Variants in OFD1 observed in about 807,000 individuals in gnomAD.
OFD1 encodes the protein centriole and centriolar satellite protein OFD1.
A neutral mutation model predicts 81.4 loss-of-function variants in OFD1; 12 were observed. That is an observed-to-expected ratio of 0.15 (90% CI 0.09 to 0.24). OFD1 has a LOEUF of 0.24. OFD1 is among the 10% of genes least tolerant of loss of function. The pLI is 1.00. For synonymous variants in OFD1, 256 were observed against 263.7 expected, an observed-to-expected ratio of 0.97 and a Z score of 0.28; for missense variants, 685 against 733.9, an observed-to-expected ratio of 0.93 and a Z score of 0.77.
downstream of OFD1, chrX:13,771,377 T>G (rs766569963): frequency 4.2e-5 from 4 of 95,334 alleles, no homozygotes; most frequent in Admixed American, 1.3e-4. Context: ...GAAGAGAGCT[T>G]CTCTTAATTT....
Position 13,753,318 on chromosome X carries a change from T to C in OFD1, c.1056-50T>C, listed in dbSNP as rs1188400072. On this transcript the variant is annotated intron_variant, in intron 10 of 22. Transcript: ENST00000340096. The stretch of plus-strand genomic sequence containing the variant: ...ATAAGCTCCTGCACTGATAACAGTC[T>C]TTCCAGAAAAATGCCTGAGGAGCTC... 15 of 1,206,987 alleles carry C rather than the reference T, an allele frequency of 1.2e-5. No homozygotes were observed. The Admixed American group carries it at 3.1e-4, about 25-fold the overall frequency.
the OFD1 span, chrX:13,716,737 ACATTT>A: frequency 1.7e-6 from 2 of 1,148,213 alleles, no homozygotes; most frequent in Non-Finnish European, 2.4e-6. Context: ...GAGAATGCTG[ACATTT>A]CATTCTGTAA....
intron 6 of OFD1, among the ~76,000 whole-genome samples, chrX:13,744,878 A>G (rs779351220): frequency 6.6e-4 from 74 of 112,604 alleles, no homozygotes; most frequent in Non-Finnish European, 1.3e-3. Flanking sequence ...GCAAAGTACT[A>G]GAGAAGTCAG....
At chrX:13,727,687 G>T in the OFD1 span, among the ~76,000 whole-genome samples, 1 of 112,046 alleles carries the variant, frequency 8.9e-6, no homozygotes. Context: ...GCAATTAAAA[G>T]AACTAGAGAA....
At chrX:13,761,018 G>A in intron 16 of OFD1, 67 bp from the exon 17 acceptor site, 1 of 1,185,001 alleles carries the variant, frequency 8.4e-7, no homozygotes, top group Admixed American at 2.2e-5. Flanking sequence ...GAGCTCTTTA[G>A]AAACCACGTT....
rs999358039 is a variant in OFD1, at chrX:13,761,353, CA to C, written c.2387+146del. 12 of 613,385 alleles carry C rather than the reference CA, an allele frequency of 2.0e-5. No individual in the cohort carries two copies. The Admixed American group carries it at 3.4e-4, about 17-fold the overall frequency. 50.5% of individuals were successfully genotyped at this position (613,385 alleles called of 1,213,427 possible). On this transcript the variant is annotated intron_variant, in intron 17 of 22. Transcript: ENST00000340096. ...CAGTATAGAATTTGCAATCAGATTG[CA>C]AAATGATATGTCATCTTTGAGAATC...
At chrX:13,758,811 C>T (rs1410729156) in intron 15 of OFD1, among the ~76,000 whole-genome samples, 4 of 111,353 alleles carry the variant, frequency 3.6e-5, no homozygotes, top group Admixed American at 2.9e-4. Context: ...TATAAATATA[C>T]AGGACAAGCA....
chrX:13,755,039 T>G lies in OFD1; in HGVS notation c.1130-112T>G, dbSNP rs2047648302. On this transcript the variant is annotated intron_variant, in intron 11 of 22. Transcript: ENST00000340096. ...TTACTTGCCCGCTACATCTGCTATT[T>G]GGATTGTGAAATAGTGGTCATTAGG... The G allele has an allele frequency of 8.9e-6, 5 of 561,778 alleles. No homozygotes were observed. In the South Asian group the frequency reaches 1.2e-4, roughly 13 times the overall value. 46.3% of individuals were successfully genotyped at this position (561,778 alleles called of 1,213,427 possible). A position where few individuals can be genotyped will look rare whatever the true frequency, so the allele number is the denominator to read the frequency against.
upstream of OFD1, among the ~76,000 whole-genome samples, chrX:13,731,204 A>G (rs929521594): frequency 3.6e-5 from 4 of 112,434 alleles, no homozygotes; most frequent in Admixed American, 1.9e-4. Flanking sequence ...GAAAAATGCC[A>G]TATCATCCGC....
At chrX:13,729,043 A>G in the OFD1 span, among the ~76,000 whole-genome samples, 1 of 111,872 alleles carries the variant, frequency 8.9e-6, no homozygotes, top group African/African-American at 3.3e-5. Context: ...CTTACAAGGG[A>G]CGTGAAGGAC....
the OFD1 span, among the ~76,000 whole-genome samples, chrX:13,725,766 T>C: frequency 2.1e-4 from 24 of 111,944 alleles, no homozygotes; most frequent in Non-Finnish European, 1.3e-4. Context: ...CTTTGATGAG[T>C]TGACAGAATG....
intron 5 of OFD1, among the ~76,000 whole-genome samples, chrX:13,742,516 GAC>G (rs1302254863): frequency 8.9e-6 from 1 of 111,782 alleles, no homozygotes; most frequent in Non-Finnish European, 1.9e-5. Context: ...CTCTGTGAAA[GAC>G]ACTGTTCTTT....
Position 13,762,433 on chromosome X carries a change from C to T in OFD1, c.2477C>T (p.Ser826Leu), listed in dbSNP as rs1790865524. The T allele has an allele frequency of 2.6e-6, 3 of 1,144,672 alleles. No individual in the cohort carries two copies. The allele number at this position is 1,144,672 out of a possible 1,213,427, so 94.3% of individuals were successfully genotyped here. Residue 826 changes from serine (S) to leucine (L), a missense_variant, in exon 18 of 23, where the codon TCA becomes TTA. This residue lies in a region of OFD1 where 259 missense variants were observed against 254.4 expected (regional missense o/e 1.02). Coordinates refer to ENST00000340096, the MANE Select transcript of OFD1 (RefSeq NM_003611.3). ...TTTAAGGATAATGAGGAGTTTGAATCATCTTTTGAATGTAAGTTCAAATAT... is the reference window on the plus strand; with the variant it reads ...TTTAAGGATAATGAGGAGTTTGAATTATCTTTTGAATGTAAGTTCAAATAT... ...LAFKDNEEFE[S>L]SFESAGNMPR...
At chrX:13,755,058 C>A in intron 11 of OFD1, 93 bp from the exon 12 acceptor site, 1 of 617,292 alleles carries the variant, frequency 1.6e-6, no homozygotes, top group South Asian at 2.3e-5. Context: ...AAATAGTGGT[C>A]ATTAGGTCTG....
downstream of OFD1, chrX:13,772,999 C>CAGTT: frequency 1.7e-6 from 2 of 1,209,976 alleles, no homozygotes; most frequent in Non-Finnish European, 2.2e-6. Flanking sequence ...TAAGTAAGCC[C>CAGTT]AGTTAGAAGA....
At chrX:13,766,183 CA>C (rs2048120491) in intron 19 of OFD1, among the ~76,000 whole-genome samples, 1 of 112,367 alleles carries the variant, frequency 8.9e-6, no homozygotes, top group Non-Finnish European at 1.9e-5. Flanking sequence ...GGACTCTTAT[CA>C]GAGCGGAGAT....
At chrX:13,720,134 G>A in the OFD1 span, 61 of 335,521 alleles carry the variant, frequency 1.8e-4, 1 homozygote, top group Middle Eastern at 2.0e-3. Context: ...TACTAGCGAA[G>A]ATACGTAGCT....
chrX:13,768,633 T>C lies in OFD1; in HGVS notation c.2929-85T>C, dbSNP rs941859979. On this transcript the variant is annotated intron_variant, in intron 21 of 22. Coordinates refer to ENST00000340096, the MANE Select transcript of OFD1 (RefSeq NM_003611.3). ...CTTTTTTAGACTTTTAAATTACATATATATTTCAAAAATGGTTCTTAAAGT... is the reference window on the plus strand; with the variant it reads ...CTTTTTTAGACTTTTAAATTACATACATATTTCAAAAATGGTTCTTAAAGT... 1.5e-5 allele frequency: 11 copies of C among 737,550 alleles called. No individual in the cohort carries two copies. The Admixed American group carries it at 2.0e-4, about 14-fold the overall frequency. 60.8% of individuals were successfully genotyped at this position (737,550 alleles called of 1,213,427 possible).
intron 5 of OFD1, among the ~76,000 whole-genome samples, chrX:13,741,383 G>T (rs2047095108): frequency 8.9e-6 from 1 of 111,911 alleles, no homozygotes; most frequent in African/African-American, 3.3e-5. Flanking sequence ...TTAAGTAACA[G>T]AAAACATGTA....
Sources: allele counts gnomAD v4.1 joint callset (sites outside exome capture counted in the v4.1 genomes callset), GRCh38; gene constraint gnomAD v4.1.1; regional missense constraint gnomAD v4.1.1; transcripts MANE v1.5; gene names NCBI Gene and HGNC (gene_info 2026-07-23, HGNC 2026-07-21).